ATP9B: variants seen among roughly 807,000 people sequenced by gnomAD.
ATP9B encodes ATPase phospholipid transporting 9B.
In ATP9B, 110 loss-of-function variants were observed where a neutral mutation model predicts 146.1. The ratio of observed to expected loss-of-function variants is 0.75; its 90% CI spans 0.65 to 0.88. The LOEUF (loss-of-function observed/expected upper bound fraction) is 0.88, where lower values mean the gene tolerates loss of function less well. ATP9B is among the 40% of genes least tolerant of loss of function. The pLI, the probability that ATP9B is intolerant of heterozygous loss-of-function variation, is 0.00. For missense variants in ATP9B, 1,499 were observed against 1,496.4 expected (o/e 1.00, Z -0.03); for synonymous variants, 604 against 569.7 (o/e 1.06, Z -0.86).
intron 7 of ATP9B, chr18:79,173,673 A>G (rs1010758706): frequency 6.6e-6 from 3 of 455,608 alleles, no homozygotes; most frequent in Admixed American, 2.4e-5. Flanking sequence ...ATTTTGTTCC[A>G]TTGATCTGTG....
intron 2 of ATP9B, among the ~76,000 whole-genome samples, chr18:79,108,327 A>G (rs917525183): frequency 6.6e-6 from 1 of 152,230 alleles, no homozygotes; most frequent in African/African-American, 2.4e-5. Context: ...ATTCAAGCAT[A>G]AACAGATAAA....
intron 12 of ATP9B, among the ~76,000 whole-genome samples, chr18:79,255,871 T>C (rs1385508379): frequency 6.6e-6 from 1 of 152,196 alleles, no homozygotes; most frequent in Non-Finnish European, 1.5e-5. Context: ...TGATAGACAC[T>C]TCTGAGATAC....
chr18:79,227,365 T>G (rs1278360233), intron 11 of ATP9B, among the ~76,000 whole-genome samples: 1 of 125,160 alleles, frequency 8.0e-6, no homozygotes. Context: ...GTGAACAGAG[T>G]CAGGCCGCGT....
intron 11 of ATP9B, among the ~76,000 whole-genome samples, chr18:79,216,118 T>C (rs1395075450): frequency 6.6e-6 from 1 of 152,210 alleles, no homozygotes; most frequent in African/African-American, 2.4e-5. Context: ...AAAGCTACAC[T>C]GCCTTTTACT....
chr18:79,177,769 C>T (rs2095196647), intron 8 of ATP9B, among the ~76,000 whole-genome samples: 1 of 152,170 alleles, frequency 6.6e-6, no homozygotes, highest in Non-Finnish European at 1.5e-5. Context: ...CATTAGCCTT[C>T]AGGTCAGAAG....
chr18:79,127,202 A>G (rs1369301519), intron 5 of ATP9B, among the ~76,000 whole-genome samples: 1 of 152,218 alleles, frequency 6.6e-6, no homozygotes, highest in Non-Finnish European at 1.5e-5. Flanking sequence ...TCTATTTCAC[A>G]TAACATAAAA....
At chr18:79,231,087 C>T (rs1025043561) in intron 11 of ATP9B, among the ~76,000 whole-genome samples, 21 of 152,168 alleles carry the variant, frequency 1.4e-4, no homozygotes, top group Admixed American at 2.0e-4. Context: ...TAGACATTGG[C>T]TTAGGCAAAG....
At chr18:79,168,614 A>C (rs2095021703) in intron 7 of ATP9B, among the ~76,000 whole-genome samples, 2 of 152,212 alleles carry the variant, frequency 1.3e-5, no homozygotes, top group African/African-American at 4.8e-5. Flanking sequence ...TATTGCAGAT[A>C]GGCCATGACT....
chr18:79,312,683 G>A (rs2096659380), intron 15 of ATP9B, among the ~76,000 whole-genome samples: 2 of 152,228 alleles, frequency 1.3e-5, no homozygotes, highest in Non-Finnish European at 1.5e-5. Context: ...GGGAGGAGGG[G>A]AGTAAAACAC....
intron 3 of ATP9B, 134 bp downstream of exon 3, chr18:79,110,639 T>A: frequency 1.3e-6 from 1 of 779,794 alleles, no homozygotes; most frequent in Non-Finnish European, 1.9e-6. Flanking sequence ...CCTTTTGCTT[T>A]TGAACCATCT....
At chr18:79,269,909 C>G (rs4799024) in intron 12 of ATP9B, among the ~76,000 whole-genome samples, 66,786 of 152,082 alleles carry the variant, frequency 0.44, 14,884 homozygotes, top group Middle Eastern at 0.55. Flanking sequence ...CATAGTTTTA[C>G]TGAGGTTAGT....
intron 2 of ATP9B, among the ~76,000 whole-genome samples, chr18:79,099,046 A>G (rs1010714676): frequency 1.3e-5 from 2 of 151,368 alleles, no homozygotes; most frequent in African/African-American, 4.9e-5. Context: ...TCTTCCCTTT[A>G]TTTTCTCTCT....
chr18:79,158,529 G>T (rs544545884), intron 7 of ATP9B, among the ~76,000 whole-genome samples: 1 of 152,282 alleles, frequency 6.6e-6, no homozygotes, highest in South Asian at 2.1e-4. Context: ...CTGGCCTCAC[G>T]TGATCCTCCC....
chr18:79,204,906 T>C (rs1247593665), intron 9 of ATP9B, among the ~76,000 whole-genome samples: 2 of 152,218 alleles, frequency 1.3e-5, no homozygotes, highest in Non-Finnish European at 2.9e-5. Context: ...GTGTATATTT[T>C]TGAAATGATT....
At chr18:79,155,688 C>A (rs1032760381) in intron 7 of ATP9B, among the ~76,000 whole-genome samples, 1 of 145,720 alleles carries the variant, frequency 6.9e-6, no homozygotes, top group Admixed American at 6.9e-5. Context: ...TTTAATTTTT[C>A]TGTATTTATA....
chr18:79,197,889 A>G (rs1363100779), intron 9 of ATP9B, among the ~76,000 whole-genome samples: 1 of 152,220 alleles, frequency 6.6e-6, no homozygotes, highest in African/African-American at 2.4e-5. Flanking sequence ...AAAATCTACG[A>G]GAACGGATTT....
chr18:79,314,614 C>T (rs968890532), intron 15 of ATP9B, among the ~76,000 whole-genome samples: 8 of 152,132 alleles, frequency 5.3e-5, no homozygotes, highest in Admixed American at 6.5e-5. Flanking sequence ...TAATGTGGAA[C>T]CTACTTATGC....
chr18:79,208,792 TACAA>T (rs112624847), intron 10 of ATP9B, among the ~76,000 whole-genome samples: 33,632 of 151,904 alleles, frequency 0.22, 3,992 homozygotes, highest in African/African-American at 0.31. Context: ...TTTCTTAACA[TACAA>T]AGAAAGAGAA....
At chr18:79,221,401 A>G (rs1437075527) in intron 11 of ATP9B, among the ~76,000 whole-genome samples, 1 of 152,238 alleles carries the variant, frequency 6.6e-6, no homozygotes, top group Admixed American at 6.5e-5. Context: ...CTGCAGGTTC[A>G]TTGAGGAACA....
Sources: allele counts gnomAD v4.1 joint callset (sites outside exome capture counted in the v4.1 genomes callset), GRCh38; gene constraint gnomAD v4.1.1; transcripts MANE v1.5; gene names NCBI Gene and HGNC (gene_info 2026-07-23, HGNC 2026-07-21).